NXPH4: variants seen among roughly 807,000 people sequenced by gnomAD.
NXPH4 encodes the protein neurexophilin 4.
In NXPH4, 8 loss-of-function variants were observed where a neutral mutation model predicts 21.3. The observed-to-expected ratio is 0.38, with a 90% CI of 0.22 to 0.68. The LOEUF (loss-of-function observed/expected upper bound fraction) is 0.68, where lower values mean the gene tolerates loss of function less well. Ranked by LOEUF, NXPH4 falls within the 30% of genes least tolerant of loss-of-function variation. The pLI, the probability that NXPH4 is intolerant of heterozygous loss-of-function variation, is 0.53. For synonymous variants in NXPH4, 219 were observed against 192.6 expected, an observed-to-expected ratio of 1.14 and a Z score of -1.13; for missense variants, 418 against 416.8, an observed-to-expected ratio of 1.00 and a Z score of -0.03.
intron 1 of NXPH4, among the ~76,000 whole-genome samples, chr12:57,222,219 T>G (rs1452067028): frequency 6.6e-6 from 1 of 152,056 alleles, no homozygotes; most frequent in Non-Finnish European, 1.5e-5. Context: ...TCTACAGTAG[T>G]GGGTGGGGGC....
Position 57,226,173 on chromosome 12 carries a change from C to T in NXPH4, c.*426C>T, listed in dbSNP as rs1475319311. On this transcript the variant is annotated 3_prime_UTR_variant, in exon 2 of 2. Transcript: ENST00000349394. ...GCGCTTGTCCTGCTTCACCCTACCCCGCCTAAGACTGTAAAGGCCTAAAAA... is the reference window on the plus strand; with the variant it reads ...GCGCTTGTCCTGCTTCACCCTACCCTGCCTAAGACTGTAAAGGCCTAAAAA... 1.2e-5 allele frequency: 5 copies of T among 426,212 alleles called. No homozygotes were observed. The highest frequency in any genetic ancestry group is 2.1e-5 in the Non-Finnish European group (5 of 241,736). 26.4% of individuals were successfully genotyped at this position (426,212 alleles called of 1,614,324 possible).
intron 1 of NXPH4, among the ~76,000 whole-genome samples, chr12:57,222,583 A>G (rs982618998): frequency 6.6e-6 from 1 of 152,028 alleles, no homozygotes; most frequent in African/African-American, 2.4e-5. Flanking sequence ...ACCAGAGTTC[A>G]AATGGCCCAC....
chr12:57,221,056 T>C (rs1297087742), intron 1 of NXPH4, among the ~76,000 whole-genome samples: 3 of 152,062 alleles, frequency 2.0e-5, no homozygotes, highest in Non-Finnish European at 4.4e-5. Context: ...CTGCTTCTCA[T>C]CCCTGTCCCC....
At chr12:57,218,337 C>T (rs955010385) in intron 1 of NXPH4, among the ~76,000 whole-genome samples, 13 of 152,212 alleles carry the variant, frequency 8.5e-5, no homozygotes, top group Admixed American at 2.0e-4. Context: ...AGAGGAGCCC[C>T]TCCATGAAAA....
At chr12:57,218,314 C>T (rs1319080159) in intron 1 of NXPH4, among the ~76,000 whole-genome samples, 2 of 152,248 alleles carry the variant, frequency 1.3e-5, no homozygotes, top group Non-Finnish European at 2.9e-5. Context: ...CCTTGAGGGG[C>T]TGCACGGTAG....
chr12:57,220,570 G>A (rs2037082006), intron 1 of NXPH4, among the ~76,000 whole-genome samples: 1 of 152,208 alleles, frequency 6.6e-6, no homozygotes, highest in Admixed American at 6.5e-5. Flanking sequence ...TCCAGCCCAA[G>A]GGCAGAGCCT....
chr12:57,224,517 G>A (rs1291857973), intron 1 of NXPH4, among the ~76,000 whole-genome samples: 3 of 152,162 alleles, frequency 2.0e-5, no homozygotes, highest in Non-Finnish European at 4.4e-5. Flanking sequence ...CTCATTACTG[G>A]AACCAACCAG....
rs2037142549 is a variant in NXPH4 at position 57,225,910 on chromosome 12, C to G, written c.*163C>G. The G allele has an allele frequency of 2.1e-6, 3 of 1,439,596 alleles. No individual in the cohort carries two copies. Among genetic ancestry groups the G allele is most frequent in the South Asian group, 2.9e-5 (2 of 68,282 alleles). 89.2% of individuals were successfully genotyped at this position (1,439,596 alleles called of 1,614,324 possible). A position where few individuals can be genotyped will look rare whatever the true frequency, so the allele number is the denominator to read the frequency against. On this transcript the variant is annotated 3_prime_UTR_variant, in exon 2 of 2. Coordinates refer to ENST00000349394, the MANE Select transcript of NXPH4 (RefSeq NM_007224.4). ...GGGACCCTCAGCTAGCGTGGGTGCC[C>G]TTTTCCTTATGCGGAGTGCCCGCAA...
chr12:57,217,417 C>T (rs1274792818), intron 1 of NXPH4, among the ~76,000 whole-genome samples: 1 of 152,248 alleles, frequency 6.6e-6, no homozygotes, highest in African/African-American at 2.4e-5. Flanking sequence ...CCTTCCACCC[C>T]TCCACCCCCG....
chr12:57,221,798 C>T (rs866289357), intron 1 of NXPH4, among the ~76,000 whole-genome samples: 2 of 152,148 alleles, frequency 1.3e-5, no homozygotes, highest in Admixed American at 1.3e-4. Flanking sequence ...TGGAGGTGGG[C>T]GACAAGAGCT....
Position 57,224,993 on chromosome 12 carries a change from G to A in NXPH4, c.173G>A (p.Gly58Asp). 3.3e-6 allele frequency: 5 copies of A among 1,495,912 alleles called. No homozygotes were observed. The highest frequency in any genetic ancestry group is 5.2e-5 in the East Asian group (2 of 38,630). 92.7% of individuals were successfully genotyped at this position (1,495,912 alleles called of 1,614,324 possible). Residue 58 changes from glycine (G) to aspartate (D), a missense_variant, in exon 2 of 2, where the codon GGC becomes GAC. Gly to Asp is a moderately conservative substitution (Grantham distance 94). Coordinates refer to ENST00000349394, the MANE Select transcript of NXPH4 (RefSeq NM_007224.4). Reference sequence around the variant, plus strand: ...CTCCCAGAGCCAAGGTCTTCGGACGGCCTAGGCGTGGGCCGCGCCTGGAGC... The same window carrying A: ...CTCCCAGAGCCAAGGTCTTCGGACGACCTAGGCGTGGGCCGCGCCTGGAGC... ...QQLPEPRSSDGLGVGRAWSWA... is the reference protein window; with the variant it reads ...QQLPEPRSSDDLGVGRAWSWA...
intron 1 of NXPH4, among the ~76,000 whole-genome samples, chr12:57,218,757 A>T (rs973107054): frequency 1.3e-5 from 2 of 152,178 alleles, no homozygotes; most frequent in Non-Finnish European, 2.9e-5. Flanking sequence ...TGCATGTGAG[A>T]ATGTGTTTAC....
At chr12:57,217,953 G>A (rs1393242977) in intron 1 of NXPH4, among the ~76,000 whole-genome samples, 1 of 152,180 alleles carries the variant, frequency 6.6e-6, no homozygotes, top group Admixed American at 6.5e-5. Context: ...GTGAGTGTCA[G>A]TGCCTGCCTC....
chr12:57,221,914 A>G (rs1417319888), intron 1 of NXPH4, among the ~76,000 whole-genome samples: 1 of 152,168 alleles, frequency 6.6e-6, no homozygotes, highest in Non-Finnish European at 1.5e-5. Flanking sequence ...CCACAGACAG[A>G]GGGAGAAAAT....
In NXPH4 at chr12:57,218,170, G is replaced by T. The variant is rs139448052; in HGVS notation, c.57+1144G>T. 1.2e-3 allele frequency among the ~76,000 whole-genome samples: 178 copies of T among 152,270 alleles called. 1 individual carries two copies. The highest frequency in any genetic ancestry group is 3.9e-3 in the African/African-American group (162 of 41,550). On this transcript the variant is annotated intron_variant, in intron 1 of 1. Transcript: ENST00000349394. ...CTCAGCCCCTGTAGAGTCTAGAAGGGGTGTATTTCTTCCCCCAACACTTGG... is the reference window on the plus strand; with the variant it reads ...CTCAGCCCCTGTAGAGTCTAGAAGGTGTGTATTTCTTCCCCCAACACTTGG...
intron 1 of NXPH4, 44 bp downstream of exon 1, chr12:57,217,070 C>G: frequency 6.5e-7 from 1 of 1,544,574 alleles, no homozygotes; most frequent in South Asian, 1.2e-5. Context: ...CGCGGGGTTC[C>G]GGGACGCGAA....
intron 1 of NXPH4, among the ~76,000 whole-genome samples, chr12:57,223,433 C>T (rs964185491): frequency 1.1e-4 from 17 of 152,160 alleles, no homozygotes; most frequent in African/African-American, 4.1e-4. Context: ...AGCAGCCACA[C>T]ACACACAGGC....
chr12:57,225,742 G>T lies in NXPH4; in HGVS notation c.922G>T (p.Gly308Ter), dbSNP rs1457549258. ...CTTCCAGAGTGAGCACCCCTACTTC[G>T]GATAGCGCCCCTCCCCAGCCAGTCC... ...YNFQSEHPYF[G>*] The change falls in exon 2 of 2, where the codon GGA (glycine) becomes TGA (stop). Residue 308 changes from glycine (G) to a stop codon, truncating the protein, a stop_gained. Transcript: ENST00000349394. LOFTEE classifies it high-confidence loss of function. 4 of 1,608,440 alleles carry T rather than the reference G, an allele frequency of 2.5e-6. No homozygotes were observed. The Admixed American group carries it at 6.7e-5, about 27-fold the overall frequency.
In NXPH4 at chr12:57,226,034, TC is replaced by T; in HGVS notation, c.*289del. ...GGAGGCGGTCCCAATGTCCCCTGGG[TC>T]CACAGTGGGTCCCCTTTTCACCCTT... On this transcript the variant is annotated 3_prime_UTR_variant, in exon 2 of 2. Transcript: ENST00000349394. 1 of 930,400 alleles carries T rather than the reference TC, an allele frequency of 1.1e-6. No individual in the cohort carries two copies. 57.6% of individuals were successfully genotyped at this position (930,400 alleles called of 1,614,324 possible). A position where few individuals can be genotyped will look rare whatever the true frequency, so the allele number is the denominator to read the frequency against.
Sources: allele counts gnomAD v4.1 joint callset (sites outside exome capture counted in the v4.1 genomes callset), GRCh38; gene constraint gnomAD v4.1.1; transcripts MANE v1.5; gene names NCBI Gene and HGNC (gene_info 2026-07-23, HGNC 2026-07-21).